HPSE2: variants seen among roughly 807,000 people sequenced by gnomAD.
HPSE2 encodes the protein inactive heparanase-2.
Under a neutral mutation model 60.5 loss-of-function variants are expected in HPSE2, and 38 were observed. The ratio of observed to expected loss-of-function variants is 0.63; its 90% confidence interval spans 0.48 to 0.82. HPSE2 has a LOEUF of 0.82. Ranked by LOEUF, HPSE2 falls within the 40% of genes least tolerant of loss-of-function variation. HPSE2 has a pLI of 0.00. For synonymous variants in HPSE2, 295 were observed against 293.2 expected (o/e 1.01, Z -0.06); for missense variants, 713 against 740.4 (o/e 0.96, Z 0.43).
At chr10:99,110,907 G>T (rs996140000) in intron 3 of HPSE2, among the ~76,000 whole-genome samples, 2 of 151,966 alleles carry the variant, frequency 1.3e-5, no homozygotes, top group Non-Finnish European at 1.5e-5. Context: ...TTACACTTAG[G>T]TCTATGATCC....
At chr10:98,467,871 G>T (rs565074932) in intron 11 of HPSE2, among the ~76,000 whole-genome samples, 35 of 152,382 alleles carry the variant, frequency 2.3e-4, no homozygotes, top group African/African-American at 8.4e-4. Context: ...GTGCGAAACG[G>T]GACTGCAATT....
intron 9 of HPSE2, among the ~76,000 whole-genome samples, chr10:98,600,011 A>T (rs1319324579): frequency 6.6e-6 from 1 of 152,196 alleles, no homozygotes; most frequent in Non-Finnish European, 1.5e-5. Context: ...CTAACTAATA[A>T]TCAAAACACC....
intron 3 of HPSE2, among the ~76,000 whole-genome samples, chr10:98,759,243 A>T (rs2134380948): frequency 6.6e-6 from 1 of 152,202 alleles, no homozygotes; most frequent in African/African-American, 2.4e-5. Context: ...TGCTATGCTT[A>T]TTACCTGAGT....
At chr10:98,581,762 G>A (rs1944804951) in intron 9 of HPSE2, among the ~76,000 whole-genome samples, 1 of 152,098 alleles carries the variant, frequency 6.6e-6, no homozygotes, top group South Asian at 2.1e-4. Context: ...AATTCTAAAC[G>A]TTGCCAGTCA....
chr10:99,102,564 C>A (rs1269095704), intron 3 of HPSE2, among the ~76,000 whole-genome samples: 4 of 152,164 alleles, frequency 2.6e-5, no homozygotes, highest in African/African-American at 7.2e-5. Context: ...CAAGGAGGAG[C>A]TGGTACCATT....
intron 9 of HPSE2, among the ~76,000 whole-genome samples, chr10:98,571,048 A>G (rs989733274): frequency 3.9e-5 from 6 of 152,210 alleles, no homozygotes; most frequent in Admixed American, 3.9e-4. Flanking sequence ...AAAGGCATTA[A>G]GTTGTACTAG....
chr10:98,877,208 CT>C (rs1237390973), intron 3 of HPSE2, among the ~76,000 whole-genome samples: 2 of 151,858 alleles, frequency 1.3e-5, no homozygotes, highest in African/African-American at 4.8e-5. Context: ...AAGCTTGAAA[CT>C]TAAGTTAATG....
intron 4 of HPSE2, among the ~76,000 whole-genome samples, chr10:98,734,504 T>C (rs1949301840): frequency 6.6e-6 from 1 of 152,008 alleles, no homozygotes; most frequent in Non-Finnish European, 1.5e-5. Context: ...TCCACAACCT[T>C]GTCAACATTT....
intron 9 of HPSE2, among the ~76,000 whole-genome samples, chr10:98,600,909 G>GTATA (rs1397927513): frequency 5.7e-5 from 5 of 88,490 alleles, no homozygotes; most frequent in African/African-American, 1.7e-4. Context: ...ATATGTGTGT[G>GTATA]TGTATATATA....
In HPSE2 at chr10:99,234,788, A is replaced by AT. The variant is rs528142994; in HGVS notation, c.290+724dup. On this transcript the variant is annotated intron_variant, in intron 1 of 11. Transcript: ENST00000370552. ...TTATAACGCTGTGACCCCAGCGAGGATTTTTTTTTTCCTTTAAAGAAAAGC... is the reference window on the plus strand; with the variant it reads ...TTATAACGCTGTGACCCCAGCGAGGATTTTTTTTTTTCCTTTAAAGAAAAGC... 1.7e-3 allele frequency among the ~76,000 whole-genome samples: 253 copies of AT among 148,710 alleles called. 2 individuals are homozygous for AT. The highest frequency in any genetic ancestry group is 5.0e-3 in the African/African-American group (201 of 40,440).
Position 98,490,110 on chromosome 10 carries a change from C to T in HPSE2, c.1407G>A (p.Arg469=), listed in dbSNP as rs201908403. ...GTTTGTCCCGGATCACTCGGCCAGGCCGTGGCTTCCGCTGGAGCCCAGCCA... is the reference window on the plus strand; with the variant it reads ...GTTTGTCCCGGATCACTCGGCCAGGTCGTGGCTTCCGCTGGAGCCCAGCCA... ...VHVAGLQRKP[R]PGRVIRDKLR... The change falls in exon 10 of 12, where the codon CGG becomes CGA. Residue 469 remains arginine, a synonymous_variant. Coordinates refer to ENST00000370552, the MANE Select transcript of HPSE2 (RefSeq NM_021828.5). The T allele has an allele frequency of 3.1e-6, 5 of 1,614,206 alleles. No individual in the cohort carries two copies. The African/African-American group carries it at 5.3e-5, about 17-fold the overall frequency.
intron 9 of HPSE2, among the ~76,000 whole-genome samples, chr10:98,584,629 T>C (rs1340091743): frequency 6.6e-6 from 1 of 152,178 alleles, no homozygotes; most frequent in African/African-American, 2.4e-5. Flanking sequence ...CATTATATCA[T>C]AATCCTTAGC....
intron 2 of HPSE2, among the ~76,000 whole-genome samples, chr10:99,217,295 C>T (rs1005505422): frequency 3.6e-4 from 54 of 150,164 alleles, no homozygotes; most frequent in African/African-American, 1.3e-3. Context: ...GTTAGAAATT[C>T]GGCATCTTAT....
chr10:98,464,402 C>T lies in HPSE2; in HGVS notation c.1614-4663G>A, dbSNP rs113688635. ...ATAAAATGACTTGCAGTTTTGCTTC[C>T]GAGTCATATCATTCTGTGCGGTGCT... On this transcript the variant is annotated intron_variant, in intron 11 of 11. Transcript: ENST00000370552. Among the ~76,000 whole-genome samples, 4 of 152,304 alleles carry T rather than the reference C, an allele frequency of 2.6e-5. No homozygotes were observed. In the East Asian group the frequency reaches 5.8e-4, roughly 22 times the overall value.
At chr10:98,591,614 A>T (rs1945093290) in intron 9 of HPSE2, among the ~76,000 whole-genome samples, 1 of 152,164 alleles carries the variant, frequency 6.6e-6, no homozygotes, top group South Asian at 2.1e-4. Context: ...GTCAGCTGAG[A>T]TCACACCACT....
At chr10:98,726,607 C>T (rs1176777859) in intron 4 of HPSE2, among the ~76,000 whole-genome samples, 1 of 147,292 alleles carries the variant, frequency 6.8e-6, no homozygotes, top group Admixed American at 6.9e-5. Flanking sequence ...GCACGTTGTG[C>T]ACATGTATTC....
chr10:98,634,231 T>A (rs1589542859), intron 7 of HPSE2, among the ~76,000 whole-genome samples: 1 of 152,346 alleles, frequency 6.6e-6, no homozygotes, highest in East Asian at 1.9e-4. Flanking sequence ...ATTCTGCTCA[T>A]TCACCTGCCC....
At chr10:99,282,223 C>A in the HPSE2 span, among the ~76,000 whole-genome samples, 2 of 152,150 alleles carry the variant, frequency 1.3e-5, no homozygotes, top group African/African-American at 4.8e-5. Flanking sequence ...CATGCCACTG[C>A]ACTCCAGCCT....
intron 3 of HPSE2, among the ~76,000 whole-genome samples, chr10:98,867,897 T>C (rs1952630812): frequency 6.6e-6 from 1 of 151,796 alleles, no homozygotes; most frequent in Non-Finnish European, 1.5e-5. Context: ...CTGTCTCTAC[T>C]AAAAATACAA....
Sources: allele counts gnomAD v4.1 joint callset (sites outside exome capture counted in the v4.1 genomes callset), GRCh38; gene constraint gnomAD v4.1.1; transcripts MANE v1.5; gene names NCBI Gene and HGNC (gene_info 2026-07-23, HGNC 2026-07-21).